Variants in NCKAP1 observed in about 807,000 individuals in gnomAD.
NCKAP1 encodes the protein nck-associated protein 1.
NCKAP1 carries 21 observed loss-of-function variants against 151.2 expected under a neutral mutation model. The observed-to-expected ratio is 0.14, with a 90% confidence interval of 0.10 to 0.20. NCKAP1 has a LOEUF of 0.20. Ranked by LOEUF, NCKAP1 falls within the 10% of genes least tolerant of loss-of-function variation. The pLI, the probability that NCKAP1 is intolerant of heterozygous loss-of-function variation, is 1.00. For synonymous variants in NCKAP1, 484 were observed against 451.8 expected (o/e 1.07, Z -0.90); for missense variants, 933 against 1,352.1 (o/e 0.69, Z 4.86).
At chr2:182,947,969 ACACAAGTAGTT>A (rs1334271933) in intron 23 of NCKAP1, among the ~76,000 whole-genome samples, 1 of 152,132 alleles carries the variant, frequency 6.6e-6, no homozygotes, top group East Asian at 1.9e-4. Context: ...TCTTAATAAT[ACACAAGTAGTT>A]GAATACTAAA....
In NCKAP1 at chr2:182,926,856, G is replaced by A; in HGVS notation, c.3230C>T (p.Thr1077Ile). 1 of 1,605,810 alleles carries A rather than the reference G, an allele frequency of 6.2e-7. No individual in the cohort carries two copies. Among genetic ancestry groups the A allele is most frequent in the Non-Finnish European group, 8.5e-7 (1 of 1,174,982 alleles). ...LKIGQETDKTTTRNRESVYLL... is the reference protein window; with the variant it reads ...LKIGQETDKTITRNRESVYLL... ...ATAAACAGATTCTCTATTTCTTGTTGTAGTTTTATCTGTCTCCTGGCCAAT... is the reference window on the plus strand; with the variant it reads ...ATAAACAGATTCTCTATTTCTTGTTATAGTTTTATCTGTCTCCTGGCCAAT... Residue 1077 changes from threonine (T) to isoleucine (I), a missense_variant, in exon 30 of 31, where the codon ACA becomes ATA. Transcript: ENST00000361354.
rs760047982 is a variant in NCKAP1, at chr2:182,916,169, CAA to C, written c.*9531_*9532del. On this transcript the variant is annotated 3_prime_UTR_variant, in exon 31 of 31. Transcript: ENST00000361354. ...ACCTTGCTTCCCCTTCGCCTTCTGT[CAA>C]AAAAAAAAAAAAAAAAAAAACATGT... is the stretch of plus-strand genomic sequence containing the variant. 29 of 87,892 alleles carry C rather than the reference CAA, an allele frequency of 3.3e-4. No individual in the cohort carries two copies. Among genetic ancestry groups the C allele is most frequent in the South Asian group, 5.1e-4 (1 of 1,956 alleles). 5.4% of individuals were successfully genotyped at this position (87,892 alleles called of 1,614,324 possible).
At chr2:182,972,611 T>C (rs555288436) in intron 15 of NCKAP1, among the ~76,000 whole-genome samples, 1 of 152,212 alleles carries the variant, frequency 6.6e-6, no homozygotes, top group Non-Finnish European at 1.5e-5. Flanking sequence ...GTATTTGCAC[T>C]CCCATGTTTA....
At position 183,025,446 on chromosome 2, in the gene NCKAP1, C is replaced by G. The variant is rs528304960; in HGVS notation, c.109-1530G>C. ...CTATTTTTCAAACATCACCTAACTT[C>G]CTACCATGCCAAAGTATAAAAATCA... On this transcript the variant is annotated intron_variant, in intron 1 of 30. Coordinates refer to ENST00000361354, the MANE Select transcript of NCKAP1 (RefSeq NM_013436.5). Among the ~76,000 whole-genome samples, 64 of 152,170 alleles carry G rather than the reference C, an allele frequency of 4.2e-4. 1 individual carries two copies. In the South Asian group the frequency reaches 0.012, roughly 29 times the overall value.
chr2:182,938,356 T>C (rs1007826717), intron 24 of NCKAP1, among the ~76,000 whole-genome samples: 7 of 149,884 alleles, frequency 4.7e-5, no homozygotes, highest in African/African-American at 1.2e-4. Flanking sequence ...CGACGAAGAG[T>C]AGAGATAAAA....
intron 18 of NCKAP1, among the ~76,000 whole-genome samples, chr2:182,957,873 G>C (rs1168624196): frequency 6.6e-6 from 1 of 152,092 alleles, no homozygotes; most frequent in Admixed American, 6.5e-5. Flanking sequence ...CTATTAAAAA[G>C]ACAAGTAAAA....
intron 18 of NCKAP1, among the ~76,000 whole-genome samples, chr2:182,960,309 T>C (rs987663367): frequency 1.3e-5 from 2 of 152,298 alleles, no homozygotes; most frequent in Non-Finnish European, 2.9e-5. Context: ...GCCGGAGGCA[T>C]CACGCTACCT....
chr2:183,026,921 GTAACAGTCTT>G (rs1698908781), intron 1 of NCKAP1, among the ~76,000 whole-genome samples: 1 of 152,186 alleles, frequency 6.6e-6, no homozygotes, highest in African/African-American at 2.4e-5. Context: ...AGTAATCATA[GTAACAGTCTT>G]TATCATAATA....
intron 18 of NCKAP1, among the ~76,000 whole-genome samples, chr2:182,960,271 C>T (rs972447218): frequency 3.3e-5 from 5 of 152,148 alleles, no homozygotes; most frequent in African/African-American, 1.2e-4. Flanking sequence ...CCCGCATTGC[C>T]AAGTCAATCC....
chr2:182,911,496 T>C lies in NCKAP1; in HGVS notation c.*14206A>G, dbSNP rs1191175897. 6 of 152,226 alleles carry C rather than the reference T, an allele frequency of 3.9e-5. No homozygotes were observed. The highest frequency in any genetic ancestry group is 1.4e-4 in the African/African-American group (6 of 41,460). 9.4% of individuals were successfully genotyped at this position (152,226 alleles called of 1,614,324 possible). A position where few individuals can be genotyped will look rare whatever the true frequency, so the allele number is the denominator to read the frequency against. ...TTAATACATGTTTTATATACTGTTA[T>C]AAACAGACTATGTGAAAAAATTTGA... On this transcript the variant is annotated 3_prime_UTR_variant, in exon 31 of 31. Coordinates refer to ENST00000361354, the MANE Select transcript of NCKAP1 (RefSeq NM_013436.5).
Position 183,017,397 on chromosome 2 carries a change from C to T in NCKAP1, c.219+6409G>A, listed in dbSNP as rs553069901. Among the ~76,000 whole-genome samples the T allele has an allele frequency of 3.5e-3, 540 of 152,214 alleles. 3 individuals carry two copies. The highest frequency in any genetic ancestry group is 5.6e-3 in the South Asian group (27 of 4,814). ...GGTCCCATCTGGGGGTGATGGGAGACGGTGACAGATCATCAGGCATTAGAT... is the reference window on the plus strand; with the variant it reads ...GGTCCCATCTGGGGGTGATGGGAGATGGTGACAGATCATCAGGCATTAGAT... On this transcript the variant is annotated intron_variant, in intron 2 of 30. Coordinates refer to ENST00000361354, the MANE Select transcript of NCKAP1 (RefSeq NM_013436.5).
At position 182,970,312 on chromosome 2, in the gene NCKAP1, G is replaced by A. The variant is rs918202496; in HGVS notation, c.1483-2951C>T. ...ACCAGACAAAGACACAAAACTACAC[G>A]AAAAGAAACTACAGGCCATCATCAC... On this transcript the variant is annotated intron_variant, in intron 15 of 30. Transcript: ENST00000361354. Among the ~76,000 whole-genome samples, 8 of 152,194 alleles carry A rather than the reference G, an allele frequency of 5.3e-5. No individual in the cohort carries two copies. The East Asian group carries it at 1.2e-3, about 22-fold the overall frequency.
intron 2 of NCKAP1, among the ~76,000 whole-genome samples, chr2:183,008,318 G>A (rs570491206): frequency 2.0e-5 from 3 of 152,268 alleles, no homozygotes; most frequent in East Asian, 1.9e-4. Context: ...AAGAATACAG[G>A]TGAATTCTCT....
chr2:182,967,277 T>C lies in NCKAP1; in HGVS notation c.1567A>G (p.Thr523Ala). Residue 523 changes from threonine to alanine, a missense_variant, in exon 16 of 31, where the codon ACA becomes GCA. Physicochemically the swap from Thr to Ala is moderately conservative, Grantham distance 58. This residue lies in a region of NCKAP1 where 607 missense variants were observed against 795.0 expected (regional missense o/e 0.76). Transcript: ENST00000361354. ...TCCACCAAGGAATCTACCATTTTTGTATGAAAAATTATTGTATTCATCATC... is the reference window on the plus strand; with the variant it reads ...TCCACCAAGGAATCTACCATTTTTGCATGAAAAATTATTGTATTCATCATC... ...GKMMNTIIFH[T>A]KMVDSLVEML... The C allele has an allele frequency of 6.2e-7, 1 of 1,612,038 alleles. No homozygotes were observed. Among genetic ancestry groups the C allele is most frequent in the Non-Finnish European group, 8.5e-7 (1 of 1,178,806 alleles).
chr2:182,960,085 T>C (rs1697413467), intron 18 of NCKAP1, among the ~76,000 whole-genome samples: 1 of 152,122 alleles, frequency 6.6e-6, no homozygotes, highest in South Asian at 2.1e-4. Flanking sequence ...TAAAAGAGGA[T>C]ACAAACAAAT....
intron 20 of NCKAP1, among the ~76,000 whole-genome samples, chr2:182,954,436 T>G (rs1016842604): frequency 6.6e-6 from 1 of 152,112 alleles, no homozygotes; most frequent in South Asian, 2.1e-4. Flanking sequence ...TAAGGATGAA[T>G]CCTTAAAAGA....
Position 182,913,665 on chromosome 2 carries a change from C to G in NCKAP1, c.*12037G>C, listed in dbSNP as rs1255538271. On this transcript the variant is annotated 3_prime_UTR_variant, in exon 31 of 31. Transcript: ENST00000361354. ...AGTCTCGGGTATTCAGCTATAGCAA[C>G]AAAAAATGAACGAAGATAAGGACCT... The G allele has an allele frequency of 2.0e-5, 3 of 152,118 alleles. No homozygotes were observed. The highest frequency in any genetic ancestry group is 2.9e-5 in the Non-Finnish European group (2 of 68,014). The allele number at this position is 152,118 out of a possible 1,614,324, so 9.4% of individuals were successfully genotyped here. A position where few individuals can be genotyped will look rare whatever the true frequency, so the allele number is the denominator to read the frequency against.
chr2:182,980,337 A>G (rs1697912847), intron 13 of NCKAP1, among the ~76,000 whole-genome samples: 1 of 151,952 alleles, frequency 6.6e-6, no homozygotes, highest in Non-Finnish European at 1.5e-5. Flanking sequence ...TTTTTTCCTT[A>G]TTATATTTTT....
chr2:182,978,634 T>C (rs1029727825), intron 14 of NCKAP1, among the ~76,000 whole-genome samples, 200 bp downstream of exon 14: 7 of 152,156 alleles, frequency 4.6e-5, no homozygotes, highest in African/African-American at 1.7e-4. Context: ...TCCTGCTTAA[T>C]AATTAGAAAT....
Sources: gnomAD v4.1 joint callset for allele counts (sites outside exome capture counted in the v4.1 genomes callset) on GRCh38, gnomAD v4.1.1 for gene constraint, gnomAD v4.1.1 regional missense constraint, MANE v1.5 for transcripts, NCBI Gene and HGNC (gene_info 2026-07-23, HGNC 2026-07-21) for gene names.